Variants in KCNMA1 observed in about 807,000 individuals in gnomAD.
KCNMA1 encodes Calcium-activated potassium channel subunit alpha-1.
In KCNMA1, 29 loss-of-function variants were observed where a neutral mutation model predicts 140.0. That is an observed-to-expected ratio of 0.21 (90% CI 0.15 to 0.28). The LOEUF (loss-of-function observed/expected upper bound fraction) is 0.28. KCNMA1 is among the 10% of genes least tolerant of loss of function. The pLI, the probability that KCNMA1 is intolerant of heterozygous loss-of-function variation, is 1.00. For synonymous variants in KCNMA1, 612 were observed against 611.9 expected (o/e 1.00, Z 0.00); for missense variants, 880 against 1,602.2 (o/e 0.55, Z 7.70).
At chr10:77,589,601 A>G (rs2078354157) in intron 1 of KCNMA1, among the ~76,000 whole-genome samples, 1 of 152,176 alleles carries the variant, frequency 6.6e-6, no homozygotes, top group Admixed American at 6.5e-5. Flanking sequence ...GTCTGACTTC[A>G]AGAATGAAGC....
rs1416872778 is a variant in KCNMA1, at chr10:77,086,617, C to T, written c.1335-24G>A. The T allele has an allele frequency of 4.5e-6, 7 of 1,548,254 alleles. No individual in the cohort carries two copies. The African/African-American group carries it at 9.5e-5, about 21-fold the overall frequency. On this transcript the variant is annotated intron_variant, in intron 10 of 27. Transcript: ENST00000286628. ...TGCTACACAGGGAGAGAAGAAATCG[C>T]TATTAATTTAATGGACTCGGGGGTT...
At chr10:77,494,275 CA>C (rs11306155) in intron 1 of KCNMA1, among the ~76,000 whole-genome samples, 16,395 of 152,202 alleles carry the variant, frequency 0.11, 1,198 homozygotes, top group African/African-American at 0.19. Context: ...TCCCAGTCCT[CA>C]TTACCCAGTG....
At chr10:77,352,839 A>C (rs1321659416) in intron 2 of KCNMA1, among the ~76,000 whole-genome samples, 1 of 152,228 alleles carries the variant, frequency 6.6e-6, no homozygotes, top group African/African-American at 2.4e-5. Context: ...GGATGATATG[A>C]AGATAGAGAA....
intron 3 of KCNMA1, chr10:77,217,432 A>C (rs16934368): frequency 0.31 from 136,527 of 445,956 alleles, 22,851 homozygotes; most frequent in Middle Eastern, 0.37. Flanking sequence ...CACATGGCCA[A>C]CTTCTCCCAA....
intron 15 of KCNMA1, chr10:77,039,315 G>C: frequency 1.6e-6 from 1 of 616,840 alleles, no homozygotes; most frequent in Non-Finnish European, 2.9e-6. Flanking sequence ...AGACTCTCAG[G>C]CCTGTCAAGA....
intron 5 of KCNMA1, among the ~76,000 whole-genome samples, chr10:77,142,512 C>G (rs186364230): frequency 2.0e-5 from 3 of 152,156 alleles, no homozygotes; most frequent in East Asian, 1.9e-4. Flanking sequence ...GACATACATA[C>G]GCAAAAGGGC....
At chr10:77,587,626 G>A (rs1364980156) in intron 1 of KCNMA1, 16 of 815,060 alleles carry the variant, frequency 2.0e-5, no homozygotes, top group South Asian at 1.7e-4. Context: ...TCTGGGCTGC[G>A]GGCCCCTGAG....
intron 2 of KCNMA1, among the ~76,000 whole-genome samples, chr10:77,301,132 C>T (rs958303859): frequency 2.0e-5 from 3 of 152,166 alleles, no homozygotes; most frequent in East Asian, 3.8e-4. Context: ...ACTTCACTGA[C>T]TTAGGTTGCA....
At chr10:77,292,565 T>C (rs2073634889) in intron 2 of KCNMA1, among the ~76,000 whole-genome samples, 1 of 152,214 alleles carries the variant, frequency 6.6e-6, no homozygotes, top group Admixed American at 6.5e-5. Context: ...TTGGAACCTG[T>C]CCCTCTCCTG....
At chr10:77,521,347 C>T (rs2053315735) in intron 1 of KCNMA1, among the ~76,000 whole-genome samples, 1 of 152,240 alleles carries the variant, frequency 6.6e-6, no homozygotes, top group Non-Finnish European at 1.5e-5. Context: ...TCCTCCACCC[C>T]TACATTCTCA....
At chr10:76,932,827 T>C (rs576016916) in intron 23 of KCNMA1, among the ~76,000 whole-genome samples, 1 of 152,316 alleles carries the variant, frequency 6.6e-6, no homozygotes, top group South Asian at 2.1e-4. Flanking sequence ...CTGAGAGGAA[T>C]GTTCATTTCT....
At chr10:77,573,329 T>C (rs186370602) in intron 1 of KCNMA1, among the ~76,000 whole-genome samples, 8 of 152,202 alleles carry the variant, frequency 5.3e-5, no homozygotes, top group South Asian at 2.1e-4. Flanking sequence ...TGGGGATGTG[T>C]AGGCATAAAA....
chr10:76,983,404 C>A (rs1483341532), intron 19 of KCNMA1, among the ~76,000 whole-genome samples: 2 of 152,116 alleles, frequency 1.3e-5, no homozygotes, highest in African/African-American at 4.8e-5. Flanking sequence ...ACTGCCTATG[C>A]TTCCAAAGTT....
rs146325455 is a variant in KCNMA1 at position 77,445,089 on chromosome 10, C to T, written c.379-41066G>A. On this transcript the variant is annotated intron_variant, in intron 1 of 27. Transcript: ENST00000286628. ...CAGGGCCAGAATTCCAGAATCCCAA[C>T]GGCAAGGACCACCCAGCAGCGTTTA... 7.9e-5 allele frequency among the ~76,000 whole-genome samples: 12 copies of T among 152,182 alleles called. No homozygotes were observed. In the East Asian group the frequency reaches 1.4e-3, roughly 17 times the overall value.
rs1376275748 is a variant in KCNMA1 at position 76,991,652 on chromosome 10, T to C, written c.2266+9755A>G. 2.0e-5 allele frequency among the ~76,000 whole-genome samples: 3 copies of C among 152,198 alleles called. No individual in the cohort carries two copies. The East Asian group carries it at 5.8e-4, about 29-fold the overall frequency. On this transcript the variant is annotated intron_variant, in intron 19 of 27. Coordinates refer to ENST00000286628, the MANE Select transcript of KCNMA1 (RefSeq NM_001161352.2). Reference sequence around the variant, plus strand: ...TTTATTCATTCTTTTACTCATGAAATATTTACTGAACTGGAATCCTTCAGG... The same window carrying C: ...TTTATTCATTCTTTTACTCATGAAACATTTACTGAACTGGAATCCTTCAGG...
intron 26 of KCNMA1, among the ~76,000 whole-genome samples, chr10:76,890,933 G>T (rs2151849818): frequency 6.6e-6 from 1 of 152,328 alleles, no homozygotes; most frequent in Non-Finnish European, 1.5e-5. Context: ...GGTTTGTTTG[G>T]CCGGTGGTTC....
intron 5 of KCNMA1, among the ~76,000 whole-genome samples, chr10:77,136,600 A>C (rs1335153023): frequency 6.6e-6 from 1 of 152,078 alleles, no homozygotes; most frequent in Admixed American, 6.6e-5. Context: ...CTGAAAAAAA[A>C]AAAAAAGAAG....
chr10:77,067,493 C>G (rs952551863), intron 14 of KCNMA1, among the ~76,000 whole-genome samples: 1 of 152,200 alleles, frequency 6.6e-6, no homozygotes, highest in Non-Finnish European at 1.5e-5. Flanking sequence ...CTCTCTCTCA[C>G]GCATGTGTGT....
chr10:77,458,077 A>C (rs1333830297), intron 1 of KCNMA1, among the ~76,000 whole-genome samples: 1 of 152,150 alleles, frequency 6.6e-6, no homozygotes, highest in African/African-American at 2.4e-5. Flanking sequence ...CCTCCCTGCC[A>C]AAAAGACCCG....
Sources: allele counts gnomAD v4.1 joint callset (sites outside exome capture counted in the v4.1 genomes callset), GRCh38; gene constraint gnomAD v4.1.1; transcripts MANE v1.5; gene names NCBI Gene and HGNC (gene_info 2026-07-23, HGNC 2026-07-21).